The following NSUN7 variants were observed in gnomAD, a reference collection of about 807,000 sequenced individuals.
The protein encoded by NSUN7 is protein NSUN7.
A neutral mutation model predicts 58.5 loss-of-function variants in NSUN7; 39 were observed. That is an observed-to-expected ratio of 0.67 (90% CI 0.52 to 0.87). The LOEUF is 0.87. Among genes scored for constraint, NSUN7 ranks in the 40% least tolerant of loss-of-function variants. NSUN7 has a pLI of 0.00. For missense variants in NSUN7, 765 were observed against 844.1 expected, an observed-to-expected ratio of 0.91 and a Z score of 1.16; for synonymous variants, 278 against 303.7, an observed-to-expected ratio of 0.92 and a Z score of 0.88.
chr4:40,757,514 T>C (rs1041361968), intron 2 of NSUN7, among the ~76,000 whole-genome samples: 1 of 148,246 alleles, frequency 6.7e-6, no homozygotes, highest in African/African-American at 2.5e-5. Flanking sequence ...CATGTTGATA[T>C]TACTATGTGA....
At chr4:40,763,135 C>T (rs866109581) in intron 4 of NSUN7, among the ~76,000 whole-genome samples, 3 of 152,146 alleles carry the variant, frequency 2.0e-5, no homozygotes, top group African/African-American at 7.2e-5. Context: ...AAACTTCAAC[C>T]ATTTATATGC....
chr4:40,763,773 A>G (rs1741574984), intron 4 of NSUN7, among the ~76,000 whole-genome samples: 1 of 152,186 alleles, frequency 6.6e-6, no homozygotes, highest in African/African-American at 2.4e-5. Flanking sequence ...ACCTGCCTTA[A>G]CACATATTCT....
At chr4:40,793,845 TA>T (rs1407523753) in intron 8 of NSUN7, among the ~76,000 whole-genome samples, 3 of 152,340 alleles carry the variant, frequency 2.0e-5, no homozygotes, top group African/African-American at 7.2e-5. Flanking sequence ...TACATATATT[TA>T]AATTATTTTT....
intron 9 of NSUN7, among the ~76,000 whole-genome samples, chr4:40,797,251 C>T (rs1743360360): frequency 6.6e-6 from 1 of 152,174 alleles, no homozygotes; most frequent in Non-Finnish European, 1.5e-5. Flanking sequence ...TTTTTCTCTG[C>T]CTATACTTAT....
At position 40,761,181 on chromosome 4, in the gene NSUN7, T is replaced by G; in HGVS notation, c.368T>G (p.Leu123Trp). 5 of 1,580,190 alleles carry G rather than the reference T, an allele frequency of 3.2e-6. No homozygotes were observed. The highest frequency in any genetic ancestry group is 4.3e-6 in the Non-Finnish European group (5 of 1,168,920). ...GTTTTCCCTTGTTAGCCAGATCATT[T>G]GAGCAGTCTTATTATTGTGATGCTA... The part of the protein sequence containing the change: ...IFPSTTIPDH[L>W]SSLIIVMLYD... Residue 123 changes from leucine (L) to tryptophan (W), a missense_variant, in exon 4 of 12, where the codon TTG becomes TGG. Physicochemically the swap from Leu to Trp is moderately conservative, Grantham distance 61. Coordinates refer to ENST00000381782, the MANE Select transcript of NSUN7 (RefSeq NM_024677.6).
At chr4:40,786,035 T>C in intron 7 of NSUN7, 1 of 1,512,218 alleles carries the variant, frequency 6.6e-7, no homozygotes, top group South Asian at 1.4e-5. Flanking sequence ...GTCTTATAGC[T>C]GGATCAGTTA....
intron 4 of NSUN7, among the ~76,000 whole-genome samples, chr4:40,772,187 C>T (rs1398373967): frequency 1.3e-5 from 2 of 152,012 alleles, no homozygotes; most frequent in African/African-American, 2.4e-5. Flanking sequence ...ACACTCCTCC[C>T]GTATACACAG....
intron 7 of NSUN7, among the ~76,000 whole-genome samples, chr4:40,789,584 G>T (rs1742986073): frequency 6.9e-6 from 1 of 145,520 alleles, no homozygotes; most frequent in Non-Finnish European, 1.5e-5. Context: ...GGGTGGGAGG[G>T]GCTGCATTGT....
In NSUN7 at chr4:40,808,431, C is replaced by T. The variant is rs1403440512; in HGVS notation, c.1649C>T (p.Thr550Ile). The change falls in exon 12 of 12, where the codon ACA (threonine) becomes ATA (isoleucine). Residue 550 changes from threonine to isoleucine, a missense_variant. Coordinates refer to ENST00000381782, the MANE Select transcript of NSUN7 (RefSeq NM_024677.6). ...GAGAAGAAGAAGAAAAAATCAAAAA[C>T]ATCATTGACAAAAGGTGCCACTACT... ...KREKKKKKSKTSLTKGATTDN... is the reference protein window; with the variant it reads ...KREKKKKKSKISLTKGATTDN... 6.2e-7 allele frequency: 1 copy of T among 1,610,888 alleles called. No homozygotes were observed. Among genetic ancestry groups the T allele is most frequent in the Non-Finnish European group, 8.5e-7 (1 of 1,178,020 alleles).
intron 2 of NSUN7, among the ~76,000 whole-genome samples, chr4:40,751,194 C>G (rs754534400): frequency 6.6e-6 from 1 of 152,174 alleles, no homozygotes; most frequent in Non-Finnish European, 1.5e-5. Context: ...CAGATTTCCC[C>G]GTGCACTGTG....
intron 3 of NSUN7, 137 bp from the exon 4 acceptor site, chr4:40,761,034 C>G: frequency 3.1e-6 from 2 of 637,206 alleles, no homozygotes; most frequent in South Asian, 4.6e-5. Context: ...TGAAGACCTT[C>G]CCAATCCAAT....
Position 40,761,161 on chromosome 4 carries a change from C to G in NSUN7, c.358-10C>G. ...GTATACTTTTCTTTATATATGTTTTCCCTTGTTAGCCAGATCATTTGAGCA... is the reference window on the plus strand; with the variant it reads ...GTATACTTTTCTTTATATATGTTTTGCCTTGTTAGCCAGATCATTTGAGCA... On this transcript the variant is annotated splice_polypyrimidine_tract_variant and intron_variant, in intron 3 of 11. Coordinates refer to ENST00000381782, the MANE Select transcript of NSUN7 (RefSeq NM_024677.6). The G allele has an allele frequency of 3.8e-6, 6 of 1,566,796 alleles. No homozygotes were observed. Among genetic ancestry groups the G allele is most frequent in the Non-Finnish European group, 5.2e-6 (6 of 1,161,122 alleles).
At position 40,761,349 on chromosome 4, in the gene NSUN7, AT is replaced by A. The variant is rs778052638; in HGVS notation, c.488+50del. The A allele has an allele frequency of 2.2e-5, 32 of 1,463,628 alleles. No homozygotes were observed. The South Asian group carries it at 3.8e-4, about 18-fold the overall frequency. The allele number at this position is 1,463,628 out of a possible 1,614,324, so 90.7% of individuals were successfully genotyped here. On this transcript the variant is annotated intron_variant, in intron 4 of 11. Coordinates refer to ENST00000381782, the MANE Select transcript of NSUN7 (RefSeq NM_024677.6). ...TGTTTTATATGAAACCTACATTGGT[AT>A]TGTTATTGGTAAAATTACATACAGT...
In NSUN7 at chr4:40,774,326, A is replaced by G. The variant is rs148671827; in HGVS notation, c.550A>G (p.Ile184Val). 2.9e-5 allele frequency: 46 copies of G among 1,614,004 alleles called. No individual in the cohort carries two copies. In the African/African-American group the frequency reaches 4.7e-4, roughly 16 times the overall value. ...RCRIKHDALS[I>V]YHILPETVRK... ...TCGAATCAAGCATGATGCCCTTTCA[A>G]TTTACCACATCCTTCCAGAAACAGT... is the stretch of plus-strand genomic sequence containing the variant. Residue 184 changes from isoleucine (I) to valine (V), a missense_variant, in exon 5 of 12, where the codon ATT (isoleucine) becomes GTT (valine). Ile to Val is a conservative substitution (Grantham distance 29). Transcript: ENST00000381782.
rs4861066 is a variant in NSUN7, at chr4:40,808,646, A to G, written c.1864A>G (p.Thr622Ala). The G allele has an allele frequency of 0.3, 458,951 of 1,551,484 alleles. 72,364 individuals are homozygous for G. Among genetic ancestry groups the G allele is most frequent in the Non-Finnish European group, 0.33 (379,881 of 1,146,932 alleles). ...HPAVPAFVKN[T>A]CPSRPRERQT... ...TGCAGTGCCTGCATTTGTGAAGAAC[A>G]CTTGTCCCTCCAGACCGCGTGAACG... Residue 622 changes from threonine to alanine, a missense_variant, in exon 12 of 12, where the codon ACT (threonine) becomes GCT (alanine). Physicochemically the swap from Thr to Ala is moderately conservative, Grantham distance 58 (BLOSUM62 0). Coordinates refer to ENST00000381782, the MANE Select transcript of NSUN7 (RefSeq NM_024677.6).
intron 9 of NSUN7, among the ~76,000 whole-genome samples, chr4:40,796,543 T>C (rs1248609982): frequency 1.3e-5 from 2 of 151,286 alleles, no homozygotes; most frequent in Admixed American, 1.3e-4. Flanking sequence ...AGTGGGAGGA[T>C]TGCTTGAGCC....
chr4:40,774,919 A>G lies in NSUN7; in HGVS notation c.794A>G (p.Asp265Gly), dbSNP rs1742194989. The G allele has an allele frequency of 8.2e-7, 1 of 1,217,026 alleles. No individual in the cohort carries two copies. Among genetic ancestry groups the G allele is most frequent in the Non-Finnish European group, 1.2e-6 (1 of 831,252 alleles). The allele number at this position is 1,217,026 out of a possible 1,614,324, so 75.4% of individuals were successfully genotyped here. The change falls in exon 6 of 12, where the codon GAT becomes GGT. Residue 265 changes from aspartate to glycine, a missense_variant. Physicochemically the swap from Asp to Gly is moderately conservative, Grantham distance 94. Coordinates refer to ENST00000381782, the MANE Select transcript of NSUN7 (RefSeq NM_024677.6). ...CTTAAAAATGATCTTATAAATATAG[A>G]TCTTTTCAAAGATTACAAACTTATA... The part of the protein sequence containing the change: ...SHLKNDLINI[D>G]LFKDYKLIFQ...
At chr4:40,801,515 T>G (rs576811057) in intron 10 of NSUN7, among the ~76,000 whole-genome samples, 2 of 152,324 alleles carry the variant, frequency 1.3e-5, no homozygotes, top group South Asian at 4.1e-4. Flanking sequence ...TCTTATTATA[T>G]ATTAGGAAGA....
At chr4:40,790,833 A>G in intron 8 of NSUN7, 88 bp downstream of exon 8, 1 of 992,982 alleles carries the variant, frequency 1.0e-6, no homozygotes, top group South Asian at 1.7e-5. Context: ...CATATCAAAT[A>G]CATCTGATTA....
Sources: gnomAD v4.1 joint callset for allele counts (sites outside exome capture counted in the v4.1 genomes callset) on GRCh38, gnomAD v4.1.1 for gene constraint, MANE v1.5 for transcripts, NCBI Gene and HGNC (gene_info 2026-07-23, HGNC 2026-07-21) for gene names.